Variants in WDPCP observed in about 807,000 individuals in gnomAD.
WDPCP encodes WD repeat-containing and planar cell polarity effector protein fritz homolog.
Under a neutral mutation model 93.1 loss-of-function variants are expected in WDPCP, and 71 were observed. The observed-to-expected ratio is 0.76, with a 90% CI of 0.63 to 0.93. The LOEUF (loss-of-function observed/expected upper bound fraction) is 0.93. WDPCP is among the 40% of genes least tolerant of loss of function. The pLI is 0.00. For synonymous variants in WDPCP, 315 were observed against 315.0 expected, an observed-to-expected ratio of 1.00 and a Z score of 0.00; for missense variants, 844 against 887.4, an observed-to-expected ratio of 0.95 and a Z score of 0.62.
intron 9 of WDPCP, among the ~76,000 whole-genome samples, chr2:63,405,709 A>G (rs1051774972): frequency 6.6e-6 from 1 of 152,078 alleles, no homozygotes; most frequent in Non-Finnish European, 1.5e-5. Context: ...AAGGCTATCT[A>G]CCAACATGGA....
chr2:63,684,193 C>G, intron 2 of WDPCP: 1 of 331,206 alleles, frequency 3.0e-6, no homozygotes, highest in Non-Finnish European at 5.8e-6. Context: ...GCATGTGGAT[C>G]ATTTTCAAGG....
intron 2 of WDPCP, among the ~76,000 whole-genome samples, chr2:63,672,630 T>G (rs1285504575): frequency 6.6e-6 from 1 of 151,886 alleles, no homozygotes. Flanking sequence ...TTTTATTTCA[T>G]TTTTATTTTA....
At chr2:63,617,411 G>A (rs1240937633) in intron 3 of WDPCP, among the ~76,000 whole-genome samples, 1 of 152,094 alleles carries the variant, frequency 6.6e-6, no homozygotes, top group Non-Finnish European at 1.5e-5. Context: ...AGGTTCTGTG[G>A]CTGGTCTAAG....
intron 3 of WDPCP, chr2:63,622,062 T>G: frequency 2.4e-6 from 2 of 851,026 alleles, no homozygotes; most frequent in Non-Finnish European, 3.1e-6. Flanking sequence ...ATTCTTTCTT[T>G]TTTCTTTTTT....
intron 2 of WDPCP, among the ~76,000 whole-genome samples, chr2:63,773,913 G>A (rs1486429826): frequency 6.6e-6 from 1 of 152,010 alleles, no homozygotes; most frequent in South Asian, 2.1e-4. Context: ...TGTCCACAAG[G>A]AGCAGCAAAA....
intron 3 of WDPCP, among the ~76,000 whole-genome samples, chr2:63,633,058 G>C (rs892498726): frequency 3.3e-5 from 5 of 152,162 alleles, no homozygotes; most frequent in Admixed American, 1.3e-4. Context: ...TAGGCCAGGA[G>C]AGAGTGAGAT....
At chr2:63,155,131 A>G (rs776147139) in intron 15 of WDPCP, among the ~76,000 whole-genome samples, 1 of 152,208 alleles carries the variant, frequency 6.6e-6, no homozygotes, top group Non-Finnish European at 1.5e-5. Flanking sequence ...GAGGAACAAC[A>G]GTTGATGAAG....
chr2:63,648,693 C>A (rs959558138), intron 3 of WDPCP, among the ~76,000 whole-genome samples: 4 of 152,052 alleles, frequency 2.6e-5, no homozygotes, highest in African/African-American at 4.8e-5. Flanking sequence ...TTTTGTTGCA[C>A]GAATAAGTAG....
At chr2:63,816,856 A>G (rs764076740) in intron 1 of WDPCP, among the ~76,000 whole-genome samples, 9 of 152,200 alleles carry the variant, frequency 5.9e-5, no homozygotes, top group Non-Finnish European at 8.8e-5. Flanking sequence ...AAGTTGAGTA[A>G]AAGAAGCCAT....
chr2:63,610,010 CTG>C (rs1320683482), intron 3 of WDPCP, among the ~76,000 whole-genome samples: 1 of 152,198 alleles, frequency 6.6e-6, no homozygotes, highest in Non-Finnish European at 1.5e-5. Flanking sequence ...AATATTCACA[CTG>C]TGAAACTGAT....
intron 9 of WDPCP, among the ~76,000 whole-genome samples, chr2:63,423,687 C>G (rs1696038654): frequency 2.0e-5 from 3 of 152,110 alleles, no homozygotes; most frequent in African/African-American, 7.2e-5. Context: ...GTTGCCATCA[C>G]GTGATTGATA....
chr2:63,302,014 A>G (rs1347721481), intron 13 of WDPCP, among the ~76,000 whole-genome samples: 1 of 152,174 alleles, frequency 6.6e-6, no homozygotes, highest in African/African-American at 2.4e-5. Flanking sequence ...ACCCAAAAAG[A>G]ATATTTCTCC....
At chr2:63,163,355 T>G (rs17408652) in intron 15 of WDPCP, among the ~76,000 whole-genome samples, 22,557 of 152,188 alleles carry the variant, frequency 0.15, 2,016 homozygotes, top group Non-Finnish European at 0.21. Flanking sequence ...TGTTTAAAAT[T>G]AGACACATTT....
chr2:63,620,673 C>G (rs960139161), intron 3 of WDPCP, among the ~76,000 whole-genome samples: 3 of 152,198 alleles, frequency 2.0e-5, no homozygotes, highest in African/African-American at 7.2e-5. Context: ...TTGAGCTCTG[C>G]TAAGGGACAG....
chr2:63,309,120 G>C (rs535771467), intron 13 of WDPCP, among the ~76,000 whole-genome samples: 1 of 152,176 alleles, frequency 6.6e-6, no homozygotes, highest in South Asian at 2.1e-4. Flanking sequence ...GTTGGTAGAG[G>C]AGTAAGGGTT....
intron 1 of WDPCP, among the ~76,000 whole-genome samples, chr2:63,494,342 G>A: frequency 6.6e-6 from 1 of 152,136 alleles, no homozygotes; most frequent in East Asian, 1.9e-4. Flanking sequence ...AGAAAAAGAT[G>A]AGGAAGAAAA....
intron 14 of WDPCP, among the ~76,000 whole-genome samples, chr2:63,246,420 G>C (rs1680278225): frequency 6.6e-6 from 1 of 152,126 alleles, no homozygotes; most frequent in South Asian, 2.1e-4. Flanking sequence ...ATTAAAAAAT[G>C]TTCATGCCAT....
intron 12 of WDPCP, among the ~76,000 whole-genome samples, chr2:63,337,533 G>C (rs573312069): frequency 7.4e-4 from 113 of 152,244 alleles, no homozygotes; most frequent in Non-Finnish European, 1.1e-3. Context: ...GTAGTAAAAT[G>C]GCTGAATTAT....
intron 14 of WDPCP, among the ~76,000 whole-genome samples, chr2:63,226,028 C>T (rs1355318705): frequency 2.0e-5 from 3 of 151,842 alleles, no homozygotes; most frequent in Non-Finnish European, 2.9e-5. Context: ...TGTATATTCA[C>T]TATAATAGAA....
Sources: allele counts gnomAD v4.1 joint callset (sites outside exome capture counted in the v4.1 genomes callset), GRCh38; gene constraint gnomAD v4.1.1; transcripts MANE v1.5; gene names NCBI Gene and HGNC (gene_info 2026-07-23, HGNC 2026-07-21).